The following STRBP variants were observed in gnomAD, a reference collection of about 807,000 sequenced individuals.
STRBP encodes spermatid perinuclear RNA-binding protein.
STRBP carries 13 observed loss-of-function variants against 80.1 expected under a neutral mutation model. That is an observed-to-expected ratio of 0.16 (90% CI 0.11 to 0.26). The LOEUF (loss-of-function observed/expected upper bound fraction) is 0.26. Among genes scored for constraint, STRBP ranks in the 10% least tolerant of loss-of-function variants. STRBP has a pLI of 1.00. For missense variants in STRBP, 485 were observed against 815.2 expected, an observed-to-expected ratio of 0.59 and a Z score of 4.93; for synonymous variants, 284 against 291.2, an observed-to-expected ratio of 0.98 and a Z score of 0.25.
At chr9:123,255,619 A>G (rs1344607833) in intron 1 of STRBP, among the ~76,000 whole-genome samples, 1 of 152,232 alleles carries the variant, frequency 6.6e-6, no homozygotes, top group African/African-American at 2.4e-5. Context: ...AGATGAAAAG[A>G]AAAATTCAGG....
chr9:123,189,122 T>C (rs560574252), intron 2 of STRBP, among the ~76,000 whole-genome samples: 20 of 152,162 alleles, frequency 1.3e-4, no homozygotes, highest in Admixed American at 9.2e-4. Flanking sequence ...TGGAATACTA[T>C]GCAGCCATAA....
intron 12 of STRBP, 73 bp from the exon 13 acceptor site, chr9:123,147,127 T>C: frequency 1.4e-6 from 2 of 1,384,370 alleles, no homozygotes; most frequent in South Asian, 1.4e-5. Context: ...TTGGGGTTCC[T>C]AGTAACTACT....
At chr9:123,182,633 A>G (rs1157043243) in intron 3 of STRBP, among the ~76,000 whole-genome samples, 2 of 152,248 alleles carry the variant, frequency 1.3e-5, no homozygotes, top group Non-Finnish European at 2.9e-5. Flanking sequence ...GATCTAAAAT[A>G]TCAGAATTTC....
At chr9:123,259,432 C>T (rs894377898) in intron 1 of STRBP, among the ~76,000 whole-genome samples, 1 of 152,140 alleles carries the variant, frequency 6.6e-6, no homozygotes, top group Non-Finnish European at 1.5e-5. Flanking sequence ...GTCAGCCAGG[C>T]GCAATGGCTC....
chr9:123,111,678 C>T (rs1400370199), intron 3 of STRBP: 2 of 464,406 alleles, frequency 4.3e-6, no homozygotes, highest in East Asian at 1.4e-4. Context: ...GGCACTGCAG[C>T]CAGGGACAGG....
chr9:123,252,064 T>A lies in STRBP; in HGVS notation c.-301-15098A>T, dbSNP rs115590512. ...TTTAGCTCAATTATACAATACCCAA[T>A]GAAGGTATTTGCCAGGCATTTCTGA... On this transcript the variant is annotated intron_variant, in intron 1 of 18. Coordinates refer to ENST00000348403, the MANE Select transcript of STRBP (RefSeq NM_018387.5). Among the ~76,000 whole-genome samples the A allele has an allele frequency of 2.9e-3, 443 of 151,868 alleles. 4 individuals carry two copies. Among genetic ancestry groups the A allele is most frequent in the African/African-American group, 0.01 (420 of 41,396 alleles).
intron 2 of STRBP, among the ~76,000 whole-genome samples, chr9:123,234,456 C>T (rs1229365293): frequency 6.6e-6 from 1 of 151,958 alleles, no homozygotes; most frequent in Non-Finnish European, 1.5e-5. Flanking sequence ...AGGATCCTTA[C>T]TTCCCAAAAA....
intron 3 of STRBP, among the ~76,000 whole-genome samples, chr9:123,182,051 C>T (rs572631309): frequency 2.7e-5 from 4 of 150,718 alleles, no homozygotes; most frequent in African/African-American, 9.7e-5. Context: ...CCTATCTCTA[C>T]TAAAAATACA....
chr9:123,218,264 A>G (rs1255802672), intron 2 of STRBP, among the ~76,000 whole-genome samples: 1 of 151,944 alleles, frequency 6.6e-6, no homozygotes, highest in Non-Finnish European at 1.5e-5. Context: ...TGAGGAGTGG[A>G]CTGGGAATGA....
rs377287613 is a variant in STRBP at position 123,137,651 on chromosome 9, G to A, written c.1498-1136C>T. Among the ~76,000 whole-genome samples, 20 of 152,162 alleles carry A rather than the reference G, an allele frequency of 1.3e-4. No homozygotes were observed. In the East Asian group the frequency reaches 1.7e-3, roughly 13 times the overall value. On this transcript the variant is annotated intron_variant, in intron 14 of 18. Transcript: ENST00000348403. ...TCAAACTCCTGACCTCAGGTGATCC[G>A]CCTGCCTCAGCCTCCCAAAGTGCTG...
Position 123,248,261 on chromosome 9 carries a change from G to GTTTTTT in STRBP, c.-301-11301_-301-11296dup, listed in dbSNP as rs1223848724. ...AACAGACTTCTCCCACCCCTATCGT[G>GTTTTTT]TTTTTTTTTTTTTTTTTTTTTTTTG... On this transcript the variant is annotated intron_variant, in intron 1 of 18. Coordinates refer to ENST00000348403, the MANE Select transcript of STRBP (RefSeq NM_018387.5). Among the ~76,000 whole-genome samples, 109 of 75,358 alleles carry GTTTTTT rather than the reference G, an allele frequency of 1.4e-3. 1 individual carries two copies. Among genetic ancestry groups the GTTTTTT allele is most frequent in the South Asian group, 2.5e-3 (5 of 1,988 alleles). 49.4% of individuals were successfully genotyped at this position (75,358 alleles called of 152,430 possible).
chr9:123,115,561 T>C lies in STRBP; in HGVS notation c.*84+368A>G. The stretch of plus-strand genomic sequence containing the variant: ...TGTCTAAGCTGCAGATTCTGACATT[T>C]TCTCCAACTGCTCCTTCTCCCCCAT... On this transcript the variant is annotated intron_variant and NMD_transcript_variant, in intron 3 of 3. Transcript: ENST00000471564. The surrounding 1 kb of genome is among the most constrained non-coding windows in gnomAD (Gnocchi z 5.0). 1 of 356,576 alleles carries C rather than the reference T, an allele frequency of 2.8e-6. No homozygotes were observed. Among genetic ancestry groups the C allele is most frequent in the South Asian group, 2.2e-5 (1 of 46,298 alleles). The allele number at this position is 356,576 out of a possible 1,614,324, so 22.1% of individuals were successfully genotyped here.
At chr9:123,158,256 A>G (rs2037373851) in intron 10 of STRBP, 76 bp downstream of exon 10, 1 of 1,550,318 alleles carries the variant, frequency 6.5e-7, no homozygotes, top group South Asian at 1.1e-5. Flanking sequence ...ACAAGAAAAA[A>G]GTGTTTGAAC....
intron 17 of STRBP, 23 bp downstream of exon 17, chr9:123,132,822 A>T: frequency 6.2e-7 from 1 of 1,612,504 alleles, no homozygotes; most frequent in East Asian, 2.2e-5. Flanking sequence ...AAGGGGGCCA[A>T]TCTCTTGCAG....
chr9:123,240,140 T>C (rs1206890218), intron 1 of STRBP, among the ~76,000 whole-genome samples: 1 of 152,220 alleles, frequency 6.6e-6, no homozygotes. Context: ...TCAACTACCA[T>C]AGCTTATTCT....
In STRBP at chr9:123,169,898, G is replaced by A; in HGVS notation, c.535+4C>T. The A allele has an allele frequency of 6.8e-7, 1 of 1,475,842 alleles. No homozygotes were observed. The highest frequency in any genetic ancestry group is 9.1e-7 in the Non-Finnish European group (1 of 1,104,802). 91.4% of individuals were successfully genotyped at this position (1,475,842 alleles called of 1,614,324 possible). On this transcript the variant is annotated splice_donor_region_variant and intron_variant, in intron 6 of 18. Transcript: ENST00000348403. ...CATATATATATATATATATACATGTGTACCTCCATCCTTCTTCTCCAATTC... is the reference window on the plus strand; with the variant it reads ...CATATATATATATATATATACATGTATACCTCCATCCTTCTTCTCCAATTC...
intron 2 of STRBP, among the ~76,000 whole-genome samples, chr9:123,193,891 A>C (rs1180144888): frequency 1.3e-5 from 2 of 152,204 alleles, no homozygotes; most frequent in Admixed American, 1.3e-4. Context: ...CTAAGAAAAA[A>C]AAGTATCACA....
At chr9:123,156,174 T>C (rs1429522416) in intron 11 of STRBP, among the ~76,000 whole-genome samples, 1 of 152,082 alleles carries the variant, frequency 6.6e-6, no homozygotes, top group Admixed American at 6.6e-5. Context: ...AATTTGGTGA[T>C]TGAAATAAAA....
At chr9:123,160,065 T>C (rs997118905) in intron 8 of STRBP, among the ~76,000 whole-genome samples, 3 of 152,138 alleles carry the variant, frequency 2.0e-5, no homozygotes, top group Non-Finnish European at 4.4e-5. Context: ...CACTAAGTGA[T>C]TAACCACCAG....
Sources: gnomAD v4.1 joint callset for allele counts (sites outside exome capture counted in the v4.1 genomes callset) on GRCh38, gnomAD v4.1.1 for gene constraint, Gnocchi (gnomAD v3.1) non-coding constraint, MANE v1.5 for transcripts, NCBI Gene and HGNC (gene_info 2026-07-23, HGNC 2026-07-21) for gene names.